FGF12: variants seen among roughly 807,000 people sequenced by gnomAD.
FGF12 encodes fibroblast growth factor 12B.
A neutral mutation model predicts 23.6 loss-of-function variants in FGF12; 14 were observed. That is an observed-to-expected ratio of 0.59 (90% confidence interval 0.39 to 0.93). The LOEUF is 0.93. Among genes scored for constraint, FGF12 ranks in the 40% least tolerant of loss-of-function variants. FGF12 has a pLI of 0.00. For missense variants in FGF12, 175 were observed against 217.8 expected, an observed-to-expected ratio of 0.80 and a Z score of 1.24; for synonymous variants, 62 against 77.3, an observed-to-expected ratio of 0.80 and a Z score of 1.04.
At chr3:192,325,488 G>C (rs1048789450) in intron 4 of FGF12, among the ~76,000 whole-genome samples, 2 of 152,008 alleles carry the variant, frequency 1.3e-5, no homozygotes, top group African/African-American at 4.8e-5. Context: ...TAAGGTTCTT[G>C]TTTCTCTCTC....
intron 2 of FGF12, among the ~76,000 whole-genome samples, chr3:192,594,598 C>A (rs941649735): frequency 2.0e-5 from 3 of 151,700 alleles, no homozygotes; most frequent in African/African-American, 7.3e-5. Flanking sequence ...GGAGATGAGG[C>A]CTTTGTGAGA....
chr3:192,321,510 A>C lies in FGF12; in HGVS notation c.228+13851T>G, dbSNP rs544155481. Among the ~76,000 whole-genome samples, 158 of 151,720 alleles carry C rather than the reference A, an allele frequency of 1.0e-3. 1 individual carries two copies. The highest frequency in any genetic ancestry group is 3.6e-3 in the African/African-American group (151 of 41,464). ...TAAAGACATTCAAAAAAAAAAAAAA[A>C]ACCACACAAAAAAACTATAGGCTAG... On this transcript the variant is annotated intron_variant, in intron 4 of 5. Transcript: ENST00000445105.
At chr3:192,519,898 A>G (rs1724773513) in intron 2 of FGF12, among the ~76,000 whole-genome samples, 1 of 152,150 alleles carries the variant, frequency 6.6e-6, no homozygotes, top group Admixed American at 6.5e-5. Flanking sequence ...GATCCTTCTG[A>G]TTTGCTATTG....
chr3:192,416,550 A>G (rs1037161147), intron 2 of FGF12, among the ~76,000 whole-genome samples: 1 of 152,166 alleles, frequency 6.6e-6, no homozygotes, highest in East Asian at 1.9e-4. Flanking sequence ...AGATGTTTGT[A>G]TGGAGGAAAT....
intron 2 of FGF12, among the ~76,000 whole-genome samples, chr3:192,382,289 C>T (rs752249537): frequency 2.0e-5 from 3 of 152,092 alleles, no homozygotes; most frequent in South Asian, 2.1e-4. Flanking sequence ...CCACCGCGCC[C>T]GGCCTAGCAT....
intron 4 of FGF12, among the ~76,000 whole-genome samples, chr3:192,214,758 A>T (rs1431272680): frequency 6.6e-6 from 1 of 152,264 alleles, no homozygotes; most frequent in African/African-American, 2.4e-5. Flanking sequence ...CAACATTAGG[A>T]TGAAGCTAAA....
intron 2 of FGF12, among the ~76,000 whole-genome samples, chr3:192,393,902 G>A (rs1403885197): frequency 6.6e-6 from 1 of 152,050 alleles, no homozygotes; most frequent in Non-Finnish European, 1.5e-5. Flanking sequence ...AGTCCTGGTG[G>A]AAAACATATC....
intron 2 of FGF12, among the ~76,000 whole-genome samples, chr3:192,425,068 C>T (rs1292720918): frequency 2.0e-5 from 3 of 152,124 alleles, no homozygotes; most frequent in Non-Finnish European, 2.9e-5. Context: ...GGAAGAAAAG[C>T]GGTCTCCTGC....
At chr3:192,384,673 T>C (rs917068156) in intron 2 of FGF12, among the ~76,000 whole-genome samples, 2 of 152,216 alleles carry the variant, frequency 1.3e-5, no homozygotes, top group Non-Finnish European at 2.9e-5. Flanking sequence ...CACGCACATA[T>C]ACAATCTCTC....
chr3:192,204,265 A>C (rs887798432), intron 4 of FGF12, among the ~76,000 whole-genome samples: 1 of 152,226 alleles, frequency 6.6e-6, no homozygotes, highest in Non-Finnish European at 1.5e-5. Flanking sequence ...TAAGAGTCTC[A>C]ACATGCAAAG....
At position 192,142,631 on chromosome 3, in the gene FGF12, A is replaced by C. The variant is rs2108574322; in HGVS notation, c.*1378T>G. 6.6e-6 allele frequency: 1 copy of C among 152,258 alleles called. No individual in the cohort carries two copies. The highest frequency in any genetic ancestry group is 1.9e-4 in the East Asian group (1 of 5,182). 9.4% of individuals were successfully genotyped at this position (152,258 alleles called of 1,614,324 possible). A position where few individuals can be genotyped will look rare whatever the true frequency, so the allele number is the denominator to read the frequency against. Reference sequence around the variant, plus strand: ...TAAAAATACTTTAGTATTCTTAACTATGTATGTGCCTTCTCTTACACTGAG... The same window carrying C: ...TAAAAATACTTTAGTATTCTTAACTCTGTATGTGCCTTCTCTTACACTGAG... On this transcript the variant is annotated 3_prime_UTR_variant, in exon 6 of 6. Coordinates refer to ENST00000445105, the MANE Select transcript of FGF12 (RefSeq NM_004113.6).
chr3:192,368,920 C>T (rs972720505), intron 2 of FGF12, among the ~76,000 whole-genome samples: 2 of 152,182 alleles, frequency 1.3e-5, no homozygotes, highest in African/African-American at 2.4e-5. Context: ...CCCTGCCTTC[C>T]TCCTCTGCCC....
chr3:192,205,332 G>T (rs544746772), intron 4 of FGF12, among the ~76,000 whole-genome samples: 2 of 152,010 alleles, frequency 1.3e-5, no homozygotes, highest in Non-Finnish European at 2.9e-5. Context: ...AAGAAATACC[G>T]CCAACTACCA....
In FGF12 at chr3:192,258,235, A is replaced by T. The variant is rs28369224; in HGVS notation, c.228+77126T>A. 7.1e-3 allele frequency among the ~76,000 whole-genome samples: 1,080 copies of T among 152,012 alleles called. 8 individuals are homozygous for T. Among genetic ancestry groups the T allele is most frequent in the African/African-American group, 0.025 (1,044 of 41,470 alleles). Reference sequence around the variant, plus strand: ...CAATTTGGGAGGCCAAGGTGGATGGATCACTTCAGGCCAGAAGTTTCAGAC... The same window carrying T: ...CAATTTGGGAGGCCAAGGTGGATGGTTCACTTCAGGCCAGAAGTTTCAGAC... On this transcript the variant is annotated intron_variant, in intron 4 of 5. Transcript: ENST00000445105.
Position 192,635,799 on chromosome 3 carries a change from A to T in FGF12, c.13+91382T>A, listed in dbSNP as rs140161038. ...TGCTATAGAGGTGGTTTCTCTTCTG[A>T]AGTTCTATGGAGAAGTCTGGATAAG... On this transcript the variant is annotated intron_variant, in intron 2 of 5. Transcript: ENST00000445105. Among the ~76,000 whole-genome samples the T allele has an allele frequency of 5.0e-3, 764 of 152,244 alleles. 6 individuals are homozygous for T. Among genetic ancestry groups the T allele is most frequent in the Non-Finnish European group, 8.2e-3 (558 of 68,012 alleles).
rs1396299359 is a variant in FGF12, at chr3:192,141,127, C to CAAAAAAAAAAAAA, written c.*2881_*2882insTTTTTTTTTTTTT. 212 of 21,838 alleles carry CAAAAAAAAAAAAA rather than the reference C, an allele frequency of 9.7e-3. 16 individuals carry two copies. Among genetic ancestry groups the CAAAAAAAAAAAAA allele is most frequent in the East Asian group, 0.016 (9 of 560 alleles). The allele number at this position is 21,838 out of a possible 1,614,324, so 1.4% of individuals were successfully genotyped here. ...TCCTGGGAAAAATCCCAATGCAACT[C>CAAAAAAAAAAAAA]CAAAAAAAAAAAAAAAAAAAAAAAA... is the stretch of plus-strand genomic sequence containing the variant. On this transcript the variant is annotated 3_prime_UTR_variant, in exon 6 of 6. Coordinates refer to ENST00000445105, the MANE Select transcript of FGF12 (RefSeq NM_004113.6).
chr3:192,555,897 G>A (rs867287100), intron 2 of FGF12, among the ~76,000 whole-genome samples: 2 of 152,082 alleles, frequency 1.3e-5, no homozygotes, highest in Non-Finnish European at 2.9e-5. Context: ...GGGAGGAGAC[G>A]TAAAGGGCAG....
chr3:192,529,748 C>G (rs1260891562), intron 2 of FGF12, among the ~76,000 whole-genome samples: 1 of 152,098 alleles, frequency 6.6e-6, no homozygotes, highest in Non-Finnish European at 1.5e-5. Context: ...GGGAAGAGAG[C>G]TTGTGCAGGG....
chr3:192,499,347 T>C (rs890051910), intron 2 of FGF12, among the ~76,000 whole-genome samples: 3 of 151,186 alleles, frequency 2.0e-5, no homozygotes, highest in Admixed American at 2.0e-4. Context: ...CCAAGTGTAC[T>C]AAGAGGTAAA....
Sources: gnomAD v4.1 joint callset for allele counts (sites outside exome capture counted in the v4.1 genomes callset) on GRCh38, gnomAD v4.1.1 for gene constraint, MANE v1.5 for transcripts, NCBI Gene and HGNC (gene_info 2026-07-23, HGNC 2026-07-21) for gene names.